CPXM2: variants seen among roughly 807,000 people sequenced by gnomAD.
CPXM2 encodes inactive carboxypeptidase-like protein X2.
Under a neutral mutation model 86.1 loss-of-function variants are expected in CPXM2, and 66 were observed. The observed-to-expected ratio is 0.77, with a 90% confidence interval of 0.63 to 0.94. CPXM2 has a LOEUF of 0.94. Ranked by LOEUF, CPXM2 falls within the 40% of genes least tolerant of loss-of-function variation. The pLI is 0.00. For synonymous variants in CPXM2, 388 were observed against 400.2 expected, an observed-to-expected ratio of 0.97 and a Z score of 0.36; for missense variants, 948 against 1,026.3, an observed-to-expected ratio of 0.92 and a Z score of 1.04.
rs1035865777 is a variant in CPXM2 at position 123,761,858 on chromosome 10, A to C, written c.1777+14T>G. 2 of 1,610,596 alleles carry C rather than the reference A, an allele frequency of 1.2e-6. No individual in the cohort carries two copies. The highest frequency in any genetic ancestry group is 1.7e-6 in the Non-Finnish European group (2 of 1,178,884). On this transcript the variant is annotated intron_variant, in intron 11 of 13. Transcript: ENST00000241305. ...CTGCGCCCGCAGCCCACTCTCCCCCAGAGGGAGGCTTACTTCCAGCGACGG... is the reference window on the plus strand; with the variant it reads ...CTGCGCCCGCAGCCCACTCTCCCCCCGAGGGAGGCTTACTTCCAGCGACGG...
chr10:123,763,566 G>A (rs1334888839), intron 10 of CPXM2, among the ~76,000 whole-genome samples: 1 of 150,948 alleles, frequency 6.6e-6, no homozygotes, highest in Non-Finnish European at 1.5e-5. Flanking sequence ...AAAGGCGGGG[G>A]CAGAGGGGCG....
intron 2 of CPXM2, among the ~76,000 whole-genome samples, chr10:123,916,872 A>G (rs7082004): frequency 0.35 from 53,202 of 151,316 alleles, 9,707 homozygotes; most frequent in Middle Eastern, 0.55. Context: ...GGAACTCCTG[A>G]GTTCAAGCGA....
At chr10:123,840,206 A>C (rs1262668318) in intron 4 of CPXM2, among the ~76,000 whole-genome samples, 1 of 152,210 alleles carries the variant, frequency 6.6e-6, no homozygotes, top group Non-Finnish European at 1.5e-5. Context: ...TGAGCAACCC[A>C]ACTGCCCCCT....
At chr10:123,924,643 T>C (rs148742951) in intron 2 of CPXM2, among the ~76,000 whole-genome samples, 1 of 152,302 alleles carries the variant, frequency 6.6e-6, no homozygotes, top group East Asian at 1.9e-4. Flanking sequence ...TTTTGTATGA[T>C]TGATTATAAA....
At chr10:123,889,102 T>C (rs1229134554) in intron 1 of CPXM2, among the ~76,000 whole-genome samples, 3 of 152,114 alleles carry the variant, frequency 2.0e-5, no homozygotes, top group Non-Finnish European at 4.4e-5. Flanking sequence ...ATTCCAAGAG[T>C]GGCAAGAGCT....
At chr10:123,836,733 T>C (rs1848289676) in intron 4 of CPXM2, among the ~76,000 whole-genome samples, 1 of 152,180 alleles carries the variant, frequency 6.6e-6, no homozygotes, top group Admixed American at 6.5e-5. Flanking sequence ...GGTGAAGGCT[T>C]GGAACAGCCC....
At chr10:123,851,619 A>G (rs1347112680) in intron 3 of CPXM2, among the ~76,000 whole-genome samples, 1 of 152,112 alleles carries the variant, frequency 6.6e-6, no homozygotes, top group African/African-American at 2.4e-5. Context: ...AATACAAAAA[A>G]TTAGCCGGGC....
chr10:123,780,292 C>T (rs549927771), intron 6 of CPXM2, 37 bp from the exon 7 acceptor site: 1 of 1,243,876 alleles, frequency 8.0e-7, no homozygotes, highest in African/African-American at 1.5e-5. Context: ...TTACTCCCAT[C>T]ATTCTATCTC....
chr10:123,753,997 TA>T (rs1489508138), intron 13 of CPXM2, among the ~76,000 whole-genome samples: 1 of 152,196 alleles, frequency 6.6e-6, no homozygotes. Flanking sequence ...ATGATGGAGT[TA>T]AATGACAGAG....
intron 4 of CPXM2, among the ~76,000 whole-genome samples, chr10:123,821,155 G>C (rs1424949284): frequency 6.6e-6 from 1 of 152,176 alleles, no homozygotes; most frequent in African/African-American, 2.4e-5. Context: ...CAAATAGAAA[G>C]CTTAGGGCAC....
intron 7 of CPXM2, among the ~76,000 whole-genome samples, chr10:123,772,141 T>A (rs577013041): frequency 2.0e-5 from 3 of 149,230 alleles, no homozygotes; most frequent in Non-Finnish European, 4.5e-5. Flanking sequence ...TTGTGGTTAT[T>A]ACCTCTTTGG....
At chr10:123,881,455 A>G (rs1013063512) in intron 1 of CPXM2, among the ~76,000 whole-genome samples, 1 of 151,464 alleles carries the variant, frequency 6.6e-6, no homozygotes, top group Non-Finnish European at 1.5e-5. Context: ...ATTGAGGGAG[A>G]GGGGAAGGAA....
chr10:123,866,718 A>G (rs529876404), intron 2 of CPXM2, among the ~76,000 whole-genome samples: 1 of 152,324 alleles, frequency 6.6e-6, no homozygotes, highest in Admixed American at 6.5e-5. Context: ...AGCTGAAGCA[A>G]ATACCCAATC....
At chr10:123,903,876 TAGG>T (rs768000196) in intron 2 of CPXM2, among the ~76,000 whole-genome samples, 42 of 152,304 alleles carry the variant, frequency 2.8e-4, no homozygotes, top group Admixed American at 1.0e-3. Context: ...CTGACAGAAA[TAGG>T]AGATGTGCTG....
rs529265536 is a variant in CPXM2 at position 123,897,849 on chromosome 10, G to A, written n.175-17540C>T. Among the ~76,000 whole-genome samples, 6 of 152,388 alleles carry A rather than the reference G, an allele frequency of 3.9e-5. No individual in the cohort carries two copies. In the East Asian group the frequency reaches 9.6e-4, roughly 24 times the overall value. Reference sequence around the variant, plus strand: ...CCCCCGGCTCATCACTGCCACATGGGCAGGGCTGCCATGCTCTGGCCCAGA... The same window carrying A: ...CCCCCGGCTCATCACTGCCACATGGACAGGGCTGCCATGCTCTGGCCCAGA... On this transcript the variant is annotated intron_variant and non_coding_transcript_variant, in intron 2 of 19. Coordinates refer to the CPXM2 transcript ENST00000368854.
intron 12 of CPXM2, 57 bp downstream of exon 12, chr10:123,757,156 C>A (rs7914162): frequency 4.0e-4 from 610 of 1,539,946 alleles, no homozygotes; most frequent in African/African-American, 3.1e-3. Flanking sequence ...TCAGCCACCT[C>A]GGCAGCCTCA....
chr10:123,917,657 A>T (rs1404540642), intron 2 of CPXM2, among the ~76,000 whole-genome samples: 1 of 152,244 alleles, frequency 6.6e-6, no homozygotes, highest in Non-Finnish European at 1.5e-5. Context: ...TTACAGAAGT[A>T]GCAAGTTGAT....
intron 6 of CPXM2, among the ~76,000 whole-genome samples, chr10:123,791,049 G>T (rs1189084508): frequency 6.6e-6 from 1 of 152,172 alleles, no homozygotes; most frequent in Non-Finnish European, 1.5e-5. Flanking sequence ...AGTCACGAGT[G>T]TGTGCCATCT....
At chr10:123,937,424 A>G (rs1203666310) in intron 2 of CPXM2, among the ~76,000 whole-genome samples, 1 of 151,450 alleles carries the variant, frequency 6.6e-6, no homozygotes, top group Non-Finnish European at 1.5e-5. Flanking sequence ...ATCAGCCAAC[A>G]GGCATCCCCA....
Sources: allele counts gnomAD v4.1 joint callset (sites outside exome capture counted in the v4.1 genomes callset), GRCh38; gene constraint gnomAD v4.1.1; transcripts MANE v1.5; gene names NCBI Gene and HGNC (gene_info 2026-07-23, HGNC 2026-07-21).